The following LRRTM3 variants were observed in gnomAD, a reference collection of about 807,000 sequenced individuals.
LRRTM3 encodes leucine-rich repeat transmembrane neuronal protein 3.
In LRRTM3, 24 loss-of-function variants were observed where a neutral mutation model predicts 44.7. The observed-to-expected ratio is 0.54, with a 90% CI of 0.39 to 0.76. The LOEUF is 0.76. Among genes scored for constraint, LRRTM3 ranks in the 30% least tolerant of loss-of-function variants. The pLI is 0.00. For synonymous variants in LRRTM3, 277 were observed against 278.7 expected (o/e 0.99, Z 0.06); for missense variants, 587 against 702.2 (o/e 0.84, Z 1.85).
intron 2 of LRRTM3, among the ~76,000 whole-genome samples, chr10:66,969,762 AC>A (rs897825428): frequency 1.3e-5 from 2 of 152,012 alleles, no homozygotes; most frequent in African/African-American, 4.8e-5. Flanking sequence ...AACTATTTGT[AC>A]TTCTTTTGTG....
chr10:67,064,909 A>G (rs1267726738), intron 2 of LRRTM3, among the ~76,000 whole-genome samples: 1 of 152,204 alleles, frequency 6.6e-6, no homozygotes, highest in Non-Finnish European at 1.5e-5. Flanking sequence ...AGGAGAAAAA[A>G]GTTATATGAG....
At chr10:67,088,528 G>C (rs1012002899) in intron 2 of LRRTM3, among the ~76,000 whole-genome samples, 2 of 151,862 alleles carry the variant, frequency 1.3e-5, no homozygotes, top group Non-Finnish European at 2.9e-5. Context: ...CTGTTACTTA[G>C]ATGGACTAGG....
At chr10:66,987,269 G>T (rs1184965446) in intron 2 of LRRTM3, among the ~76,000 whole-genome samples, 2 of 152,188 alleles carry the variant, frequency 1.3e-5, no homozygotes, top group East Asian at 3.9e-4. Context: ...TGACCTGATT[G>T]ACATTGTAAC....
intron 2 of LRRTM3, among the ~76,000 whole-genome samples, chr10:67,020,700 G>T (rs1852950670): frequency 6.6e-6 from 1 of 152,146 alleles, no homozygotes. Flanking sequence ...TTTAAGGGGA[G>T]AATAAGCACT....
chr10:66,963,725 AG>A (rs1299643378), intron 2 of LRRTM3, among the ~76,000 whole-genome samples: 2 of 152,164 alleles, frequency 1.3e-5, no homozygotes, highest in African/African-American at 4.8e-5. Context: ...TTCATGAGAA[AG>A]AGCAGGGTGA....
chr10:67,058,876 T>A (rs1445080741), intron 2 of LRRTM3, among the ~76,000 whole-genome samples: 1 of 152,160 alleles, frequency 6.6e-6, no homozygotes, highest in African/African-American at 2.4e-5. Flanking sequence ...AAAATGAAGA[T>A]ACTTAGTATG....
chr10:67,034,027 C>T (rs1038728053), intron 2 of LRRTM3, among the ~76,000 whole-genome samples: 1 of 152,192 alleles, frequency 6.6e-6, no homozygotes, highest in Admixed American at 6.5e-5. Flanking sequence ...CTGCCTCGGC[C>T]TTCCAACGTG....
rs547170819 is a variant in LRRTM3 at position 67,009,145 on chromosome 10, G to A, written c.1536+80693G>A. The stretch of plus-strand genomic sequence containing the variant: ...ATTTTTAATATTTATTAACCTTACC[G>A]TGATACAGAATGCCATTAAAATCAT... On this transcript the variant is annotated intron_variant, in intron 2 of 2. Coordinates refer to ENST00000361320, the MANE Select transcript of LRRTM3 (RefSeq NM_178011.5). Among the ~76,000 whole-genome samples the A allele has an allele frequency of 1.4e-4, 21 of 152,058 alleles. 1 individual carries two copies. The East Asian group carries it at 3.5e-3, about 25-fold the overall frequency.
At chr10:67,019,202 CT>C (rs967952059) in intron 2 of LRRTM3, among the ~76,000 whole-genome samples, 1 of 152,064 alleles carries the variant, frequency 6.6e-6, no homozygotes, top group Non-Finnish European at 1.5e-5. Context: ...TGCCACTTTT[CT>C]TTTTTTAATT....
intron 2 of LRRTM3, among the ~76,000 whole-genome samples, chr10:67,040,504 A>G (rs922162336): frequency 5.9e-5 from 9 of 152,190 alleles, no homozygotes; most frequent in Non-Finnish European, 1.0e-4. Flanking sequence ...CACTGCTTCT[A>G]CCCCATGGTG....
intron 2 of LRRTM3, among the ~76,000 whole-genome samples, chr10:66,971,106 C>T (rs1307012347): frequency 1.3e-5 from 2 of 151,986 alleles, no homozygotes; most frequent in African/African-American, 2.4e-5. Context: ...ACTTTAATTA[C>T]ACTGGGCAGC....
At chr10:67,074,835 T>C (rs1326747889) in intron 2 of LRRTM3, among the ~76,000 whole-genome samples, 1 of 152,228 alleles carries the variant, frequency 6.6e-6, no homozygotes, top group African/African-American at 2.4e-5. Context: ...TGTATGTATA[T>C]TATGAATTAT....
chr10:67,018,632 G>A (rs1174973773), intron 2 of LRRTM3, among the ~76,000 whole-genome samples: 1 of 152,206 alleles, frequency 6.6e-6, no homozygotes, highest in Non-Finnish European at 1.5e-5. Context: ...ATGCCTGGGT[G>A]TGAATCCTGA....
At chr10:66,992,846 C>G (rs1462288520) in intron 2 of LRRTM3, among the ~76,000 whole-genome samples, 2 of 152,056 alleles carry the variant, frequency 1.3e-5, no homozygotes, top group African/African-American at 4.8e-5. Flanking sequence ...AGTGATACAA[C>G]AAGGCTTTTA....
intron 2 of LRRTM3, among the ~76,000 whole-genome samples, chr10:66,997,385 A>C (rs1235612052): frequency 6.6e-6 from 1 of 152,216 alleles, no homozygotes; most frequent in East Asian, 1.9e-4. Flanking sequence ...ACCTGTGTTA[A>C]ATTGTTTTAA....
intron 2 of LRRTM3, among the ~76,000 whole-genome samples, chr10:67,048,128 C>T (rs1215325092): frequency 1.3e-5 from 2 of 152,080 alleles, no homozygotes; most frequent in African/African-American, 4.8e-5. Flanking sequence ...CTTCCCTTCA[C>T]GGTCTTCCTC....
chr10:67,075,888 C>A (rs566843536), intron 2 of LRRTM3, among the ~76,000 whole-genome samples: 2 of 152,304 alleles, frequency 1.3e-5, no homozygotes, highest in South Asian at 4.1e-4. Context: ...TTTCTTTCAA[C>A]GAAGGTGTGG....
chr10:67,039,157 T>C (rs1434725353), intron 2 of LRRTM3, among the ~76,000 whole-genome samples: 1 of 152,092 alleles, frequency 6.6e-6, no homozygotes, highest in Non-Finnish European at 1.5e-5. Context: ...CCATAAGCTA[T>C]ACTGTTACCA....
At chr10:67,071,155 C>A (rs1225758430) in intron 2 of LRRTM3, among the ~76,000 whole-genome samples, 2 of 152,080 alleles carry the variant, frequency 1.3e-5, no homozygotes, top group Non-Finnish European at 2.9e-5. Flanking sequence ...CAATATAGTT[C>A]ACATTCATTT....
Sources: gnomAD v4.1 joint callset for allele counts (sites outside exome capture counted in the v4.1 genomes callset) on GRCh38, gnomAD v4.1.1 for gene constraint, MANE v1.5 for transcripts, NCBI Gene and HGNC (gene_info 2026-07-23, HGNC 2026-07-21) for gene names.